TUBB6: variants seen among roughly 807,000 people sequenced by gnomAD.
The protein encoded by TUBB6 is tubulin beta 6 class V.
Under a neutral mutation model 32.3 loss-of-function variants are expected in TUBB6, and 18 were observed. The observed-to-expected ratio is 0.56, with a 90% CI of 0.39 to 0.83. The LOEUF (loss-of-function observed/expected upper bound fraction) is 0.83. Ranked by LOEUF, TUBB6 falls within the 40% of genes least tolerant of loss-of-function variation. TUBB6 has a pLI of 0.00. For missense variants in TUBB6, 480 were observed against 632.0 expected (o/e 0.76, Z 2.58); for synonymous variants, 280 against 265.8 (o/e 1.05, Z -0.52).
downstream of TUBB6, among the ~76,000 whole-genome samples, chr18:12,327,886 C>T (rs941344351): frequency 6.6e-6 from 1 of 152,214 alleles, no homozygotes; most frequent in African/African-American, 2.4e-5. Flanking sequence ...CACGCTGGCT[C>T]CATGCCTTGC....
chr18:12,329,563 C>T (rs113981080), downstream of TUBB6: 5,410 of 1,613,702 alleles, frequency 3.4e-3, 143 homozygotes, highest in African/African-American at 0.06. Flanking sequence ...CCCTCTGGGC[C>T]TCTAGTTGGC....
intron 2 of TUBB6, 146 bp downstream of exon 2, chr18:12,308,941 G>T: frequency 1.6e-6 from 1 of 633,102 alleles, no homozygotes. Context: ...CCTCCGGGGC[G>T]GGAAATCCGC....
chr18:12,314,957 ACTTTG>A, intron 3 of TUBB6, among the ~76,000 whole-genome samples: 1 of 59,852 alleles, frequency 1.7e-5, no homozygotes, highest in South Asian at 6.8e-4. Flanking sequence ...TGCTTTTTAA[ACTTTG>A]CTTTTTTTTT....
chr18:12,308,674 T>G lies in TUBB6; in HGVS notation c.58-13T>G, dbSNP rs953384471. 1.9e-6 allele frequency: 3 copies of G among 1,582,608 alleles called. No homozygotes were observed. The highest frequency in any genetic ancestry group is 3.3e-5 in the Admixed American group (2 of 59,852). ...GTTCTGAGCGTCTGTCCCCCCGCCTTGCCCTGCCCAAGTTTTGGGAAGTGA... is the reference window on the plus strand; with the variant it reads ...GTTCTGAGCGTCTGTCCCCCCGCCTGGCCCTGCCCAAGTTTTGGGAAGTGA... On this transcript the variant is annotated splice_polypyrimidine_tract_variant and intron_variant, in intron 1 of 3. Transcript: ENST00000317702.
At chr18:12,312,893 G>A (rs1185623198) in intron 3 of TUBB6, among the ~76,000 whole-genome samples, 2 of 151,564 alleles carry the variant, frequency 1.3e-5, no homozygotes, top group Non-Finnish European at 2.9e-5. Context: ...CAGCTACTCG[G>A]GAGGCTGAGG....
At chr18:12,329,115 T>G (rs1439734287), downstream of TUBB6, 3 of 702,776 alleles carry the variant, frequency 4.3e-6, no homozygotes, top group African/African-American at 5.2e-5. Context: ...AATTAAAATG[T>G]TCTTATCAAG....
In TUBB6 at chr18:12,314,590, C is replaced by A. The variant is rs530793048; in HGVS notation, c.277+3537C>A. On this transcript the variant is annotated intron_variant, in intron 3 of 3. Coordinates refer to ENST00000317702, the MANE Select transcript of TUBB6 (RefSeq NM_032525.3). ...CCCTGCCTGCCTCCCTCGCAGGAGT[C>A]CTTCCTGAGATTGGGAAACAGTTAC... Among the ~76,000 whole-genome samples the A allele has an allele frequency of 1.4e-3, 220 of 152,158 alleles. 1 individual carries two copies. Among genetic ancestry groups the A allele is most frequent in the African/African-American group, 4.8e-3 (199 of 41,504 alleles).
chr18:12,314,706 A>G (rs1430187905), intron 3 of TUBB6, among the ~76,000 whole-genome samples: 1 of 152,196 alleles, frequency 6.6e-6, no homozygotes, highest in East Asian at 1.9e-4. Context: ...ATATGAAACA[A>G]CAGTAAAAGA....
intron 3 of TUBB6, among the ~76,000 whole-genome samples, chr18:12,312,404 G>A (rs1906432418): frequency 6.6e-6 from 1 of 152,070 alleles, no homozygotes; most frequent in South Asian, 2.1e-4. Flanking sequence ...AGACTCCCTG[G>A]GTTTAAATTT....
chr18:12,329,235 G>T, downstream of TUBB6: 1 of 702,548 alleles, frequency 1.4e-6, no homozygotes, highest in Non-Finnish European at 2.6e-6. Context: ...AGAGTCCAGT[G>T]CAACGATCCC....
chr18:12,316,279 T>C (rs1906669783), intron 3 of TUBB6, among the ~76,000 whole-genome samples: 1 of 152,272 alleles, frequency 6.6e-6, no homozygotes, highest in Non-Finnish European at 1.5e-5. Context: ...CTTTGGTTTA[T>C]TTGAATTGAA....
At chr18:12,322,170 C>G (rs1490862888) in intron 3 of TUBB6, among the ~76,000 whole-genome samples, 2 of 149,762 alleles carry the variant, frequency 1.3e-5, no homozygotes, top group Non-Finnish European at 3.0e-5. Context: ...GGTGTGGTGG[C>G]AGCACCTGTA....
chr18:12,309,133 T>C (rs1299199067), intron 2 of TUBB6, among the ~76,000 whole-genome samples: 1 of 151,800 alleles, frequency 6.6e-6, no homozygotes, highest in East Asian at 1.9e-4. Context: ...GGAGGATCAT[T>C]TGGGGCCAGG....
In TUBB6 at chr18:12,312,930, C is replaced by T. The variant is rs999152065; in HGVS notation, c.277+1877C>T. Among the ~76,000 whole-genome samples, 12 of 133,902 alleles carry T rather than the reference C, an allele frequency of 9.0e-5. No homozygotes were observed. The South Asian group carries it at 1.4e-3, about 16-fold the overall frequency. 87.8% of individuals were successfully genotyped at this position (133,902 alleles called of 152,430 possible). ...AGGAGAATCACTTGAACCCAGCAGG[C>T]GGAGGTTGGGGTGAACCAAGATCGC... On this transcript the variant is annotated intron_variant, in intron 3 of 3. Transcript: ENST00000317702.
intron 3 of TUBB6, among the ~76,000 whole-genome samples, chr18:12,313,954 C>T (rs547902718): frequency 1.3e-5 from 2 of 152,256 alleles, no homozygotes; most frequent in Admixed American, 6.5e-5. Context: ...GTAATAAAGA[C>T]CTGACTTGGA....
chr18:12,325,329 G>A lies in TUBB6; in HGVS notation c.540G>A (p.Val180=), dbSNP rs760432593. The A allele has an allele frequency of 1.9e-6, 3 of 1,614,156 alleles. No homozygotes were observed. Among genetic ancestry groups the A allele is most frequent in the Non-Finnish European group, 1.7e-6 (2 of 1,179,998 alleles). The change falls in exon 4 of 4, where the codon GTG becomes GTA. Residue 180 remains valine (V), a synonymous_variant. Transcript: ENST00000317702. The part of the protein sequence containing the change: ...MPSPKVSDTV[V]EPYNATLSVH... The stretch of plus-strand genomic sequence containing the variant: ...CGCCCAAGGTGTCGGACACGGTGGT[G>A]GAGCCCTACAATGCCACACTGTCGG...
At chr18:12,314,605 G>A (rs1906571277) in intron 3 of TUBB6, among the ~76,000 whole-genome samples, 1 of 152,022 alleles carries the variant, frequency 6.6e-6, no homozygotes, top group East Asian at 1.9e-4. Flanking sequence ...CTGAGATTGG[G>A]AAACAGTTAC....
chr18:12,328,013 G>A (rs1253775065), downstream of TUBB6, among the ~76,000 whole-genome samples: 1 of 152,202 alleles, frequency 6.6e-6, no homozygotes, highest in East Asian at 1.9e-4. Context: ...TGCTTCATTG[G>A]GCACCTCCCA....
chr18:12,329,385 C>T (rs1907440278), downstream of TUBB6: 3 of 710,952 alleles, frequency 4.2e-6, no homozygotes, highest in Non-Finnish European at 2.5e-6. Context: ...GGAAAGTCAC[C>T]TGCCACCCAC....
Sources: allele counts gnomAD v4.1 joint callset (sites outside exome capture counted in the v4.1 genomes callset), GRCh38; gene constraint gnomAD v4.1.1; transcripts MANE v1.5; gene names NCBI Gene and HGNC (gene_info 2026-07-23, HGNC 2026-07-21).